HTR1F: variants seen among roughly 807,000 people sequenced by gnomAD.
HTR1F encodes the protein 5-hydroxytryptamine (serotonin) receptor 1F, G protein-coupled.
In HTR1F, 17 loss-of-function variants were observed where a neutral mutation model predicts 24.0. The ratio of observed to expected loss-of-function variants is 0.71; its 90% confidence interval spans 0.48 to 1.06. The LOEUF (loss-of-function observed/expected upper bound fraction) is 1.06. HTR1F is among the 50% of genes least tolerant of loss of function. The pLI is 0.00. For missense variants in HTR1F, 391 were observed against 427.8 expected, an observed-to-expected ratio of 0.91 and a Z score of 0.76; for synonymous variants, 186 against 156.8, an observed-to-expected ratio of 1.19 and a Z score of -1.39.
intron 2 of HTR1F, among the ~76,000 whole-genome samples, chr3:87,956,451 A>G (rs1307397332): frequency 6.6e-6 from 1 of 151,334 alleles, no homozygotes; most frequent in African/African-American, 2.4e-5. Flanking sequence ...AGAATTGTGC[A>G]TCTTAAACTA....
chr3:87,884,041 T>C (rs1314772927), intron 2 of HTR1F, among the ~76,000 whole-genome samples: 2 of 152,042 alleles, frequency 1.3e-5, no homozygotes. Context: ...ACACATAATT[T>C]TCAGATTCAC....
intron 2 of HTR1F, among the ~76,000 whole-genome samples, chr3:87,940,898 G>T (rs371711599): frequency 6.6e-6 from 1 of 152,178 alleles, no homozygotes; most frequent in African/African-American, 2.4e-5. Flanking sequence ...CACACAGTAA[G>T]ATCTCTTCCC....
chr3:87,835,401 C>G (rs1396426568), intron 2 of HTR1F, among the ~76,000 whole-genome samples: 1 of 151,912 alleles, frequency 6.6e-6, no homozygotes, highest in African/African-American at 2.4e-5. Context: ...AAACCCCAAT[C>G]GGGGGACTTT....
chr3:87,953,343 A>T (rs1704875204), intron 2 of HTR1F, among the ~76,000 whole-genome samples: 1 of 126,262 alleles, frequency 7.9e-6, no homozygotes, highest in East Asian at 2.0e-4. Context: ...AAAGAACTCG[A>T]TTTAACGGCA....
At chr3:87,904,430 T>C (rs755368484) in intron 2 of HTR1F, among the ~76,000 whole-genome samples, 34 of 151,956 alleles carry the variant, frequency 2.2e-4, no homozygotes, top group Non-Finnish European at 4.0e-4. Context: ...AGAAGAAGGC[T>C]CCTAACAGCA....
At chr3:87,866,198 A>G (rs1705422801) in intron 2 of HTR1F, among the ~76,000 whole-genome samples, 1 of 152,224 alleles carries the variant, frequency 6.6e-6, no homozygotes, top group Admixed American at 6.5e-5. Context: ...GTTCAATATT[A>G]CCAACTAGAA....
intron 2 of HTR1F, among the ~76,000 whole-genome samples, chr3:87,930,527 A>G (rs1414445580): frequency 6.6e-6 from 1 of 152,194 alleles, no homozygotes; most frequent in African/African-American, 2.4e-5. Context: ...CCTTTTCTGC[A>G]TCTACTGAGA....
intron 2 of HTR1F, among the ~76,000 whole-genome samples, chr3:87,959,759 C>T (rs756955048): frequency 7.7e-6 from 1 of 129,138 alleles, no homozygotes; most frequent in Admixed American, 7.6e-5. Flanking sequence ...GATGTGAGAC[C>T]ACCATGGGTT....
At chr3:87,801,686 C>T (rs1412950525) in intron 1 of HTR1F, among the ~76,000 whole-genome samples, 3 of 152,124 alleles carry the variant, frequency 2.0e-5, no homozygotes, top group Admixed American at 1.3e-4. Context: ...GAGGCTATCT[C>T]AGTGAGCAGA....
At chr3:87,934,990 C>A (rs1342371798) in intron 2 of HTR1F, among the ~76,000 whole-genome samples, 6 of 152,134 alleles carry the variant, frequency 3.9e-5, no homozygotes, top group Admixed American at 2.0e-4. Flanking sequence ...CCCAGCCTCA[C>A]AAGTAGCTGG....
chr3:87,934,716 A>G (rs1704369369), intron 2 of HTR1F, among the ~76,000 whole-genome samples: 1 of 152,184 alleles, frequency 6.6e-6, no homozygotes, highest in African/African-American at 2.4e-5. Flanking sequence ...GCAATCAAAC[A>G]TAAGACTGAA....
At position 87,945,152 on chromosome 3, in the gene HTR1F, C is replaced by T. The variant is rs564845313; in HGVS notation, c.-42-45556C>T. 1.8e-4 allele frequency among the ~76,000 whole-genome samples: 28 copies of T among 151,786 alleles called. No individual in the cohort carries two copies. The South Asian group carries it at 2.1e-3, about 11-fold the overall frequency. ...TCTCCTCCATCTCTCCCTCTCTCTC[C>T]TTCTCTTAGCCATTACAGACTTGGG... On this transcript the variant is annotated intron_variant, in intron 2 of 2. Coordinates refer to ENST00000319595, the MANE Select transcript of HTR1F (RefSeq NM_001322209.2).
chr3:87,908,576 G>T (rs1490588428), intron 2 of HTR1F, among the ~76,000 whole-genome samples: 1 of 151,938 alleles, frequency 6.6e-6, no homozygotes, highest in Non-Finnish European at 1.5e-5. Context: ...TCTGTATTTT[G>T]AATAAAATTC....
chr3:87,794,034 T>C (rs1405205045), intron 1 of HTR1F, among the ~76,000 whole-genome samples: 1 of 152,058 alleles, frequency 6.6e-6, no homozygotes, highest in Non-Finnish European at 1.5e-5. Flanking sequence ...GGTTTCGCTC[T>C]AGTTCTATTT....
At chr3:87,988,735 A>T (rs55657233) in intron 2 of HTR1F, among the ~76,000 whole-genome samples, 37,720 of 142,006 alleles carry the variant, frequency 0.27, 5,338 homozygotes, top group Non-Finnish European at 0.34. Context: ...AGCCCCAATA[A>T]TTTTTTTTTT....
chr3:87,881,378 A>G (rs1462474812), intron 2 of HTR1F, among the ~76,000 whole-genome samples: 2 of 152,172 alleles, frequency 1.3e-5, no homozygotes, highest in African/African-American at 4.8e-5. Context: ...TGGCTGGCGG[A>G]GGGAGTCTGC....
intron 2 of HTR1F, among the ~76,000 whole-genome samples, chr3:87,871,622 T>C (rs1322233609): frequency 1.3e-5 from 2 of 151,852 alleles, no homozygotes; most frequent in Non-Finnish European, 2.9e-5. Flanking sequence ...AATCAAAATG[T>C]TGAAAGTGAA....
intron 2 of HTR1F, among the ~76,000 whole-genome samples, chr3:87,960,601 G>A (rs1185767511): frequency 6.6e-6 from 1 of 151,914 alleles, no homozygotes; most frequent in Non-Finnish European, 1.5e-5. Flanking sequence ...ATCTACATAA[G>A]GCTATATTTT....
intron 1 of HTR1F, among the ~76,000 whole-genome samples, chr3:87,799,702 T>C (rs957342793): frequency 1.3e-5 from 2 of 152,200 alleles, no homozygotes; most frequent in African/African-American, 4.8e-5. Flanking sequence ...TGTAATTCCA[T>C]GAGCTGGTAC....
Sources: allele counts gnomAD v4.1 joint callset (sites outside exome capture counted in the v4.1 genomes callset), GRCh38; gene constraint gnomAD v4.1.1; transcripts MANE v1.5; gene names NCBI Gene and HGNC (gene_info 2026-07-23, HGNC 2026-07-21).